AGPS: variants seen among roughly 807,000 people sequenced by gnomAD.
AGPS encodes the protein alkyldihydroxyacetonephosphate synthase, peroxisomal.
In AGPS, 26 loss-of-function variants were observed where a neutral mutation model predicts 90.7. The ratio of observed to expected loss-of-function variants is 0.29; its 90% CI spans 0.21 to 0.40. The LOEUF (loss-of-function observed/expected upper bound fraction) is 0.40. AGPS is among the 10% of genes least tolerant of loss of function. The pLI, the probability that AGPS is intolerant of heterozygous loss-of-function variation, is 1.00. For synonymous variants in AGPS, 294 were observed against 285.3 expected (o/e 1.03, Z -0.31); for missense variants, 540 against 816.1 (o/e 0.66, Z 4.12).
At chr2:177,456,217 G>T (rs1687105271) in intron 8 of AGPS, among the ~76,000 whole-genome samples, 1 of 152,180 alleles carries the variant, frequency 6.6e-6, no homozygotes, top group Non-Finnish European at 1.5e-5. Context: ...TTGATTAATT[G>T]TATGAGTAAA....
intron 17 of AGPS, among the ~76,000 whole-genome samples, chr2:177,514,704 A>G (rs1688975199): frequency 6.6e-6 from 1 of 151,900 alleles, no homozygotes; most frequent in Non-Finnish European, 1.5e-5. Context: ...TCCTAGTACT[A>G]GTGTTGTGTT....
chr2:177,433,546 G>T (rs1686303496), intron 2 of AGPS, among the ~76,000 whole-genome samples: 1 of 152,030 alleles, frequency 6.6e-6, no homozygotes, highest in Non-Finnish European at 1.5e-5. Context: ...ATCATTAATT[G>T]TCCTTTTTCT....
At chr2:177,453,509 G>T (rs543518771) in intron 8 of AGPS, among the ~76,000 whole-genome samples, 1 of 151,700 alleles carries the variant, frequency 6.6e-6, no homozygotes, top group Non-Finnish European at 1.5e-5. Context: ...GACCTCTGAT[G>T]TTCCACTGCC....
chr2:177,470,189 A>T (rs552783134), intron 10 of AGPS, among the ~76,000 whole-genome samples: 62 of 152,316 alleles, frequency 4.1e-4, no homozygotes, highest in African/African-American at 1.3e-3. Flanking sequence ...GTTTTTCAGT[A>T]TGACTGGAAT....
At chr2:177,481,824 A>C (rs1057207277) in intron 10 of AGPS, among the ~76,000 whole-genome samples, 6 of 152,058 alleles carry the variant, frequency 3.9e-5, no homozygotes, top group Non-Finnish European at 8.8e-5. Context: ...TAAAATGTTG[A>C]AAAATATTTG....
chr2:177,459,296 G>A (rs191707137), intron 8 of AGPS, among the ~76,000 whole-genome samples: 33 of 152,138 alleles, frequency 2.2e-4, no homozygotes, highest in Non-Finnish European at 5.9e-5. Context: ...AAAAGCAATG[G>A]CAACAAAAGC....
chr2:177,462,407 A>G (rs1687323069), intron 9 of AGPS, among the ~76,000 whole-genome samples: 2 of 147,494 alleles, frequency 1.4e-5, no homozygotes, highest in African/African-American at 2.5e-5. Context: ...AAAAAAAAAG[A>G]AAAAAGAAAA....
intron 11 of AGPS, among the ~76,000 whole-genome samples, chr2:177,489,087 C>CTTTT (rs373471623): frequency 2.9e-4 from 41 of 139,980 alleles, no homozygotes; most frequent in African/African-American, 1.0e-3. Context: ...TTTGATGTTT[C>CTTTT]TTTTTTTTTT....
chr2:177,445,402 T>C, intron 7 of AGPS, 144 bp from the exon 8 acceptor site: 1 of 700,172 alleles, frequency 1.4e-6, no homozygotes, highest in Non-Finnish European at 2.6e-6. Context: ...ATAAGTGGAC[T>C]TGGTTTCCAG....
intron 8 of AGPS, 71 bp from the exon 9 acceptor site, chr2:177,461,822 G>A: frequency 7.2e-7 from 1 of 1,381,208 alleles, no homozygotes. Context: ...AAAGTGGGAG[G>A]AGTTAATGTG....
rs1424247808 is a variant in AGPS at position 177,434,325 on chromosome 2, AGGTACCCT to A, written c.351-1_357del. On this transcript the variant is annotated splice_acceptor_variant and coding_sequence_variant, in exon 3 of 20. Coordinates refer to ENST00000264167, the MANE Select transcript of AGPS (RefSeq NM_003659.4). LOFTEE classifies it high-confidence loss of function. ...AATATTTTTACTTTCTTTGTACCTTAGGTACCCTCTTAGTGGCATGGGTTTACCAACAT... is the reference window on the plus strand; with the variant it reads ...AATATTTTTACTTTCTTTGTACCTTACTTAGTGGCATGGGTTTACCAACAT... 6.2e-7 allele frequency: 1 copy of A among 1,601,656 alleles called. No homozygotes were observed. Among genetic ancestry groups the A allele is most frequent in the South Asian group, 1.1e-5 (1 of 90,412 alleles).
chr2:177,501,252 TCA>T (rs1327039816), intron 14 of AGPS, among the ~76,000 whole-genome samples: 1 of 152,014 alleles, frequency 6.6e-6, no homozygotes, highest in African/African-American at 2.4e-5. Context: ...GTCTCTCTGC[TCA>T]CACACACCTC....
At chr2:177,404,886 A>G (rs1377271161) in intron 1 of AGPS, among the ~76,000 whole-genome samples, 2 of 152,210 alleles carry the variant, frequency 1.3e-5, no homozygotes, top group African/African-American at 4.8e-5. Context: ...CTCAGATTTT[A>G]TACAATTGGT....
chr2:177,403,715 G>A (rs1009820808), intron 1 of AGPS, among the ~76,000 whole-genome samples: 1 of 152,158 alleles, frequency 6.6e-6, no homozygotes, highest in Admixed American at 6.5e-5. Flanking sequence ...TGTGTGTGAG[G>A]TCACGCCATA....
At chr2:177,528,849 C>CTTTTTTTTTTTTTTTTTTTTTTTTTTTTT (rs71008000) in intron 19 of AGPS, among the ~76,000 whole-genome samples, 2 of 79,142 alleles carry the variant, frequency 2.5e-5, no homozygotes, top group Non-Finnish European at 4.4e-5. Context: ...CATATTAATC[C>CTTTTTTTTTTTTTTTTTTTTTTTTTTTTT]TTTTTTTTTT....
chr2:177,491,243 A>C (rs1294477319), intron 11 of AGPS, among the ~76,000 whole-genome samples: 1 of 146,528 alleles, frequency 6.8e-6, no homozygotes, highest in Non-Finnish European at 1.5e-5. Context: ...CTACAATACC[A>C]TTTTCATGTC....
At position 177,542,541 on chromosome 2, in the gene AGPS, T is replaced by G. The variant is rs1267591068; in HGVS notation, c.*4346T>G. ...TGGTTTCCAAAGGAGATTATTTATTTTTCCACAAGGAAAAACATCTTGCAG... is the reference window on the plus strand; with the variant it reads ...TGGTTTCCAAAGGAGATTATTTATTGTTCCACAAGGAAAAACATCTTGCAG... On this transcript the variant is annotated 3_prime_UTR_variant, in exon 20 of 20. Transcript: ENST00000264167. The G allele has an allele frequency of 6.6e-6, 1 of 152,198 alleles. No homozygotes were observed. Among genetic ancestry groups the G allele is most frequent in the East Asian group, 1.9e-4 (1 of 5,198 alleles). The allele number at this position is 152,198 out of a possible 1,614,324, so 9.4% of individuals were successfully genotyped here. A position where few individuals can be genotyped will look rare whatever the true frequency, so the allele number is the denominator to read the frequency against.
At chr2:177,526,505 T>G (rs935455919) in intron 19 of AGPS, among the ~76,000 whole-genome samples, 1 of 152,100 alleles carries the variant, frequency 6.6e-6, no homozygotes, top group Non-Finnish European at 1.5e-5. Context: ...GCTTGTTATA[T>G]TTTTTGATAC....
chr2:177,482,655 T>C (rs1687978109), intron 11 of AGPS, among the ~76,000 whole-genome samples: 1 of 152,108 alleles, frequency 6.6e-6, no homozygotes, highest in South Asian at 2.1e-4. Flanking sequence ...CATCAATTCA[T>C]AGAATGTGCT....
Sources: allele counts gnomAD v4.1 joint callset (sites outside exome capture counted in the v4.1 genomes callset), GRCh38; gene constraint gnomAD v4.1.1; transcripts MANE v1.5; gene names NCBI Gene and HGNC (gene_info 2026-07-23, HGNC 2026-07-21).